The following ADARB2 variants were observed in gnomAD, a reference collection of about 807,000 sequenced individuals.
ADARB2 encodes inactive double-stranded RNA-specific editase B2.
In ADARB2, 25 loss-of-function variants were observed where a neutral mutation model predicts 62.2. The observed-to-expected ratio is 0.40, with a 90% CI of 0.29 to 0.56. The LOEUF (loss-of-function observed/expected upper bound fraction) is 0.56, where lower values mean the gene tolerates loss of function less well. ADARB2 is among the 20% of genes least tolerant of loss of function. ADARB2 has a pLI of 0.43. For synonymous variants in ADARB2, 572 were observed against 500.8 expected (o/e 1.14, Z -1.90); for missense variants, 1,071 against 1,077.4 (o/e 0.99, Z 0.08).
intron 7 of ADARB2, among the ~76,000 whole-genome samples, chr10:1,212,538 C>T (rs1038908381): frequency 1.7e-4 from 26 of 152,198 alleles, no homozygotes; most frequent in African/African-American, 5.8e-4. Flanking sequence ...CATGGCTGCC[C>T]CTCCTCCCCC....
intron 1 of ADARB2, among the ~76,000 whole-genome samples, chr10:1,642,470 G>A (rs905255356): frequency 1.3e-5 from 2 of 152,128 alleles, no homozygotes; most frequent in Non-Finnish European, 2.9e-5. Context: ...ATTTATGTCA[G>A]TATTTATTAC....
chr10:1,613,194 G>A (rs1264894069), intron 1 of ADARB2, among the ~76,000 whole-genome samples: 1 of 152,212 alleles, frequency 6.6e-6, no homozygotes, highest in African/African-American at 2.4e-5. Flanking sequence ...AAAGAAAGGC[G>A]TTTACTTACA....
chr10:1,633,522 A>AGTCT (rs979750170), intron 1 of ADARB2, among the ~76,000 whole-genome samples: 7 of 114,164 alleles, frequency 6.1e-5, no homozygotes, highest in Admixed American at 9.3e-5. Flanking sequence ...TCAATGAGTG[A>AGTCT]GTCTGTCTGT....
chr10:1,640,778 A>C (rs1833971317), intron 1 of ADARB2, among the ~76,000 whole-genome samples: 1 of 152,238 alleles, frequency 6.6e-6, no homozygotes, highest in Non-Finnish European at 1.5e-5. Context: ...ATATCATTTG[A>C]AAAATATATT....
intron 1 of ADARB2, among the ~76,000 whole-genome samples, chr10:1,389,214 C>G (rs1158463497): frequency 6.6e-6 from 1 of 152,116 alleles, no homozygotes; most frequent in East Asian, 1.9e-4. Context: ...AGATTACTTT[C>G]ATGGTTTTCA....
At chr10:1,374,898 G>C (rs1368587839) in intron 2 of ADARB2, among the ~76,000 whole-genome samples, 1 of 152,114 alleles carries the variant, frequency 6.6e-6, no homozygotes, top group Non-Finnish European at 1.5e-5. Context: ...CCCCACTTAG[G>C]GAGGGGAAGG....
In ADARB2 at chr10:1,499,569, C is replaced by A. The variant is rs577292215; in HGVS notation, c.101-120409G>T. On this transcript the variant is annotated intron_variant, in intron 1 of 9. Coordinates refer to ENST00000381312, the MANE Select transcript of ADARB2 (RefSeq NM_018702.4). Reference sequence around the variant, plus strand: ...TGTCTCACTCATCACTCATCACTCACTCATCATTCATCACCCACCACTCAT... The same window carrying A: ...TGTCTCACTCATCACTCATCACTCAATCATCATTCATCACCCACCACTCAT... Among the ~76,000 whole-genome samples, 21 of 152,090 alleles carry A rather than the reference C, an allele frequency of 1.4e-4. No individual in the cohort carries two copies. The South Asian group carries it at 4.4e-3, about 32-fold the overall frequency.
Position 1,474,411 on chromosome 10 carries a change from T to C in ADARB2, c.101-95251A>G, listed in dbSNP as rs148824201. On this transcript the variant is annotated intron_variant, in intron 1 of 9. Coordinates refer to ENST00000381312, the MANE Select transcript of ADARB2 (RefSeq NM_018702.4). ...CAGAGCAGGGGCAGCCCGGTCTACA[T>C]TGGGGGTCAGTGGGTCTTCAGAAAG... is the stretch of plus-strand genomic sequence containing the variant. 1.7e-3 allele frequency among the ~76,000 whole-genome samples: 253 copies of C among 152,238 alleles called. 2 individuals are homozygous for C. The highest frequency in any genetic ancestry group is 4.2e-3 in the Admixed American group (64 of 15,306).
At chr10:1,698,369 G>A (rs1045889432) in intron 1 of ADARB2, among the ~76,000 whole-genome samples, 1 of 152,186 alleles carries the variant, frequency 6.6e-6, no homozygotes, top group Non-Finnish European at 1.5e-5. Context: ...CAACAAAGGC[G>A]GTCTCCACAG....
At chr10:1,190,133 G>A (rs1489607571) in intron 8 of ADARB2, among the ~76,000 whole-genome samples, 2 of 152,126 alleles carry the variant, frequency 1.3e-5, no homozygotes, top group South Asian at 2.1e-4. Context: ...GAAATTGCAC[G>A]CAGGAGTCTG....
chr10:1,231,893 T>C (rs576344878), intron 6 of ADARB2, among the ~76,000 whole-genome samples: 2 of 152,158 alleles, frequency 1.3e-5, no homozygotes, highest in Non-Finnish European at 2.9e-5. Flanking sequence ...TAAGCTCGTG[T>C]GAGATTAAAG....
In ADARB2 at chr10:1,363,158, G is replaced by A. The variant is rs1354239554; in HGVS notation, c.947C>T (p.Thr316Met). The A allele has an allele frequency of 1.9e-6, 3 of 1,542,574 alleles. No homozygotes were observed. Among genetic ancestry groups the A allele is most frequent in the Admixed American group, 1.9e-5 (1 of 53,674 alleles). ...FVMAVSVDGR[T>M]FEGSGRSKKL... ...CTTGCTGCGCCCCGAGCCCTCGAAC[G>A]TCCTGCCGTCCACGCTCACGGCCAT... Residue 316 changes from threonine (T) to methionine (M), a missense_variant, in exon 3 of 10, where the codon ACG becomes ATG. Coordinates refer to ENST00000381312, the MANE Select transcript of ADARB2 (RefSeq NM_018702.4).
At chr10:1,630,791 CT>C (rs1833832397) in intron 1 of ADARB2, among the ~76,000 whole-genome samples, 1 of 152,076 alleles carries the variant, frequency 6.6e-6, no homozygotes, top group African/African-American at 2.4e-5. Context: ...CCCGTCTCTA[CT>C]AAAAGTACCA....
chr10:1,716,011 TC>T (rs1835012493), intron 1 of ADARB2, among the ~76,000 whole-genome samples: 1 of 151,896 alleles, frequency 6.6e-6, no homozygotes, highest in African/African-American at 2.4e-5. Context: ...CACACTCCCC[TC>T]CCGCCCGCTG....
intron 1 of ADARB2, chr10:1,676,047 C>G: frequency 1.0e-6 from 1 of 985,344 alleles, no homozygotes; most frequent in Non-Finnish European, 1.2e-6. Context: ...AACTCTTGAC[C>G]TGAGCCCCTG....
At chr10:1,322,602 T>C (rs11250414) in intron 3 of ADARB2, among the ~76,000 whole-genome samples, 3,622 of 152,218 alleles carry the variant, frequency 0.024, 170 homozygotes, top group African/African-American at 0.081. Context: ...AGCCATTTGG[T>C]CATTTGGAGC....
At chr10:1,551,865 C>T (rs1832629220) in intron 1 of ADARB2, among the ~76,000 whole-genome samples, 1 of 152,198 alleles carries the variant, frequency 6.6e-6, no homozygotes, top group African/African-American at 2.4e-5. Flanking sequence ...CTGAGCTGGG[C>T]TTGTCAGAAT....
At chr10:1,505,176 AAC>A (rs1831825360) in intron 1 of ADARB2, among the ~76,000 whole-genome samples, 1 of 151,846 alleles carries the variant, frequency 6.6e-6, no homozygotes, top group Non-Finnish European at 1.5e-5. Flanking sequence ...CATGAACACA[AAC>A]ACACAGGCAC....
At chr10:1,485,034 A>G (rs1675230747) in intron 1 of ADARB2, among the ~76,000 whole-genome samples, 1 of 152,082 alleles carries the variant, frequency 6.6e-6, no homozygotes, top group Non-Finnish European at 1.5e-5. Flanking sequence ...ATGTAGGTGG[A>G]TTTGTAGGTG....
Sources: gnomAD v4.1 joint callset for allele counts (sites outside exome capture counted in the v4.1 genomes callset) on GRCh38, gnomAD v4.1.1 for gene constraint, MANE v1.5 for transcripts, NCBI Gene and HGNC (gene_info 2026-07-23, HGNC 2026-07-21) for gene names.